Variants in CFAP299 observed in about 807,000 individuals in gnomAD.
CFAP299 encodes the protein cilia- and flagella-associated protein 299.
In CFAP299, 21 loss-of-function variants were observed where a neutral mutation model predicts 27.0. The observed-to-expected ratio is 0.78, with a 90% CI of 0.55 to 1.12. The LOEUF is 1.12. CFAP299 is among the 50% of genes most tolerant of loss of function. CFAP299 has a pLI of 0.00. For missense variants in CFAP299, 310 were observed against 276.6 expected, an observed-to-expected ratio of 1.12 and a Z score of -0.86; for synonymous variants, 104 against 98.1, an observed-to-expected ratio of 1.06 and a Z score of -0.36.
chr4:80,547,788 C>T (rs551733002), intron 2 of CFAP299, among the ~76,000 whole-genome samples: 1 of 152,136 alleles, frequency 6.6e-6, no homozygotes, highest in African/African-American at 2.4e-5. Context: ...TGTTTGTCAT[C>T]ATTAATCATT....
rs1328870499 is a variant in CFAP299 at position 80,955,020 on chromosome 4, AAAAAAAAAAAAAAAC to A, written c.607-8496_607-8482del. On this transcript the variant is annotated intron_variant, in intron 5 of 5. Coordinates refer to ENST00000358105, the MANE Select transcript of CFAP299 (RefSeq NM_152770.3). ...ATCAAAAAAAAAAAAAAAAAAAAAA[AAAAAAAAAAAAAAAC>A]GCACACATGGCCATATACAGAGTAG... Among the ~76,000 whole-genome samples, 706 of 134,634 alleles carry A rather than the reference AAAAAAAAAAAAAAAC, an allele frequency of 5.2e-3. 75 individuals carry two copies. Among genetic ancestry groups the A allele is most frequent in the African/African-American group, 0.019 (614 of 31,574 alleles). 88.3% of individuals were successfully genotyped at this position (134,634 alleles called of 152,430 possible).
At chr4:80,810,691 A>G (rs1002828879) in intron 3 of CFAP299, among the ~76,000 whole-genome samples, 4 of 151,992 alleles carry the variant, frequency 2.6e-5, no homozygotes, top group African/African-American at 9.7e-5. Context: ...ATGCCCACAT[A>G]TTTTTTCAGA....
chr4:80,509,515 T>C (rs1203302893), intron 2 of CFAP299, among the ~76,000 whole-genome samples: 1 of 152,206 alleles, frequency 6.6e-6, no homozygotes, highest in African/African-American at 2.4e-5. Flanking sequence ...ATTTTAGTTT[T>C]CTTTACTCAG....
At chr4:80,327,843 G>C in the CFAP299 span, among the ~76,000 whole-genome samples, 2 of 141,072 alleles carry the variant, frequency 1.4e-5, no homozygotes, top group East Asian at 4.1e-4. Context: ...CCAGGATTAA[G>C]CTCTGGAACA....
At chr4:80,360,704 T>C (rs542428855) in intron 1 of CFAP299, among the ~76,000 whole-genome samples, 2 of 152,322 alleles carry the variant, frequency 1.3e-5, no homozygotes, top group African/African-American at 4.8e-5. Flanking sequence ...TTCTGAATCC[T>C]AGGGCAGATA....
intron 3 of CFAP299, among the ~76,000 whole-genome samples, chr4:80,826,192 TC>T (rs1407684417): frequency 6.6e-6 from 1 of 151,258 alleles, no homozygotes; most frequent in Non-Finnish European, 1.5e-5. Context: ...ATGTAATCAA[TC>T]CCCATCATAA....
chr4:80,353,365 G>A (rs573461810), intron 1 of CFAP299, among the ~76,000 whole-genome samples: 1 of 152,192 alleles, frequency 6.6e-6, no homozygotes, highest in Non-Finnish European at 1.5e-5. Flanking sequence ...CTTCACCCCT[G>A]TGGGAGTGCA....
chr4:80,332,801 C>T (rs190809291), upstream of CFAP299, among the ~76,000 whole-genome samples: 4 of 152,168 alleles, frequency 2.6e-5, no homozygotes, highest in Admixed American at 2.0e-4. Context: ...CGTCTATTCA[C>T]AGGTGCTATG....
At chr4:80,392,173 T>G (rs1725520504) in intron 2 of CFAP299, among the ~76,000 whole-genome samples, 1 of 152,198 alleles carries the variant, frequency 6.6e-6, no homozygotes, top group South Asian at 2.1e-4. Context: ...TTACCTCCAT[T>G]GTATCTAAGA....
chr4:80,657,935 G>A (rs1210165329), intron 3 of CFAP299, among the ~76,000 whole-genome samples: 1 of 152,078 alleles, frequency 6.6e-6, no homozygotes, highest in Non-Finnish European at 1.5e-5. Context: ...TCTCCTTGAA[G>A]AGGTCCTTCA....
At chr4:80,483,913 G>T (rs1730685868) in intron 2 of CFAP299, among the ~76,000 whole-genome samples, 1 of 152,022 alleles carries the variant, frequency 6.6e-6, no homozygotes, top group African/African-American at 2.4e-5. Context: ...TGACTTTTTA[G>T]CAGTAGTGTT....
chr4:80,579,883 T>C (rs1454551967), intron 2 of CFAP299, among the ~76,000 whole-genome samples: 1 of 152,126 alleles, frequency 6.6e-6, no homozygotes, highest in South Asian at 2.1e-4. Flanking sequence ...TTACCTTTTG[T>C]GCTGTGGGAT....
At chr4:80,365,221 A>T (rs1304440694) in intron 2 of CFAP299, among the ~76,000 whole-genome samples, 1 of 152,206 alleles carries the variant, frequency 6.6e-6, no homozygotes, top group Non-Finnish European at 1.5e-5. Context: ...ACAGTGTAAA[A>T]GTGTTCCTTT....
intron 3 of CFAP299, among the ~76,000 whole-genome samples, chr4:80,864,558 A>G (rs1478929993): frequency 2.7e-5 from 4 of 148,522 alleles, no homozygotes; most frequent in African/African-American, 9.8e-5. Context: ...ATATATATAT[A>G]ATAACTAAAA....
intron 2 of CFAP299, among the ~76,000 whole-genome samples, chr4:80,470,947 T>G (rs1221899864): frequency 1.3e-5 from 2 of 152,204 alleles, no homozygotes; most frequent in African/African-American, 4.8e-5. Flanking sequence ...CTGAACCTAA[T>G]TATAAAGAGA....
intron 3 of CFAP299, among the ~76,000 whole-genome samples, chr4:80,654,387 GT>G (rs1334907343): frequency 6.6e-6 from 1 of 152,066 alleles, no homozygotes; most frequent in South Asian, 2.1e-4. Flanking sequence ...TGGATAGTAT[GT>G]TTATAGTTCT....
intron 3 of CFAP299, among the ~76,000 whole-genome samples, chr4:80,697,974 A>G (rs1170929540): frequency 6.6e-6 from 1 of 152,250 alleles, no homozygotes; most frequent in Non-Finnish European, 1.5e-5. Context: ...AACCAAGGAT[A>G]GACATTCATG....
intron 3 of CFAP299, among the ~76,000 whole-genome samples, chr4:80,730,137 T>C (rs1309659978): frequency 6.6e-6 from 1 of 151,964 alleles, no homozygotes; most frequent in Non-Finnish European, 1.5e-5. Flanking sequence ...GCCTGCTTGC[T>C]TTAAACCCAT....
intron 3 of CFAP299, among the ~76,000 whole-genome samples, chr4:80,635,439 C>T (rs1187609832): frequency 3.3e-5 from 5 of 152,154 alleles, no homozygotes; most frequent in Non-Finnish European, 7.4e-5. Flanking sequence ...CTAACAGACT[C>T]TCCCACATTA....
Sources: allele counts gnomAD v4.1 joint callset (sites outside exome capture counted in the v4.1 genomes callset), GRCh38; gene constraint gnomAD v4.1.1; transcripts MANE v1.5; gene names NCBI Gene and HGNC (gene_info 2026-07-23, HGNC 2026-07-21).